PHACTR2: variants seen among roughly 807,000 people sequenced by gnomAD.
PHACTR2 encodes the protein chromosome 6 open reading frame 56.
In PHACTR2, 30 loss-of-function variants were observed where a neutral mutation model predicts 76.0. The ratio of observed to expected loss-of-function variants is 0.39; its 90% CI spans 0.30 to 0.54. The LOEUF is 0.54. Ranked by LOEUF, PHACTR2 falls within the 20% of genes least tolerant of loss-of-function variation. PHACTR2 has a pLI of 0.61. For synonymous variants in PHACTR2, 292 were observed against 292.5 expected, an observed-to-expected ratio of 1.00 and a Z score of 0.02; for missense variants, 696 against 781.1, an observed-to-expected ratio of 0.89 and a Z score of 1.30.
chr6:143,564,928 C>A (rs1775340845), intron 1 of PHACTR2, among the ~76,000 whole-genome samples: 1 of 152,040 alleles, frequency 6.6e-6, no homozygotes, highest in African/African-American at 2.4e-5. Flanking sequence ...CTCCCCTTTT[C>A]TACAAAGGAA....
chr6:143,594,149 T>C (rs1287156731), intron 1 of PHACTR2, among the ~76,000 whole-genome samples: 1 of 152,242 alleles, frequency 6.6e-6, no homozygotes, highest in African/African-American at 2.4e-5. Context: ...ACAAAACTAT[T>C]AAAAGATGTT....
Position 143,823,651 on chromosome 6 carries a change from A to G in PHACTR2, c.1923-23A>G. 5 of 1,607,228 alleles carry G rather than the reference A, an allele frequency of 3.1e-6. No individual in the cohort carries two copies. The highest frequency in any genetic ancestry group is 4.3e-6 in the Non-Finnish European group (5 of 1,173,910). ...GAATGTGCTCCTAGGCCACAGGCTT[A>G]TAGTTTCTATTTCTTACTCCAGGTT... is the stretch of plus-strand genomic sequence containing the variant. On this transcript the variant is annotated intron_variant, in intron 12 of 12. Coordinates refer to ENST00000440869, the MANE Select transcript of PHACTR2 (RefSeq NM_001100164.2). The surrounding 1 kb of genome is among the most constrained non-coding windows in gnomAD (Gnocchi z 5.7).
chr6:143,590,141 C>T (rs1775673946), intron 1 of PHACTR2, among the ~76,000 whole-genome samples: 1 of 152,122 alleles, frequency 6.6e-6, no homozygotes, highest in Non-Finnish European at 1.5e-5. Context: ...ATTTGATTTA[C>T]ATAAGAGTGG....
intron 2 of PHACTR2, among the ~76,000 whole-genome samples, chr6:143,718,154 G>A (rs1239566585): frequency 6.6e-6 from 1 of 152,112 alleles, no homozygotes; most frequent in Non-Finnish European, 1.5e-5. Flanking sequence ...AGCATTCTAG[G>A]AATCAGATCT....
chr6:143,746,450 G>A (rs919403131), intron 2 of PHACTR2, among the ~76,000 whole-genome samples: 5 of 152,178 alleles, frequency 3.3e-5, no homozygotes, highest in Non-Finnish European at 7.4e-5. Context: ...TTTGGTTTGC[G>A]AGAATGTGGC....
chr6:143,736,235 A>G (rs977013527), intron 2 of PHACTR2, among the ~76,000 whole-genome samples: 1 of 152,156 alleles, frequency 6.6e-6, no homozygotes, highest in African/African-American at 2.4e-5. Flanking sequence ...CAATCTTCTC[A>G]GTTACCCTAT....
At position 143,816,879 on chromosome 6, in the gene PHACTR2, A is replaced by T. The variant is rs534471412; in HGVS notation, c.1923-6795A>T. Among the ~76,000 whole-genome samples the T allele has an allele frequency of 6.6e-6, 1 of 152,204 alleles. No homozygotes were observed. Among genetic ancestry groups the T allele is most frequent in the South Asian group, 2.1e-4 (1 of 4,822 alleles). On this transcript the variant is annotated intron_variant, in intron 12 of 12. Coordinates refer to ENST00000440869, the MANE Select transcript of PHACTR2 (RefSeq NM_001100164.2). This position sits in a 1 kb window ranked among gnomAD's most constrained non-coding sequence, Gnocchi z 4.5. ...CCAGGAGTTCAAGACCAGCCTGGTC[A>T]ACATGGCACAATGCTGTCTCTACAA...
At chr6:143,629,231 C>T (rs1776318109) in intron 1 of PHACTR2, among the ~76,000 whole-genome samples, 1 of 151,920 alleles carries the variant, frequency 6.6e-6, no homozygotes, top group Non-Finnish European at 1.5e-5. Flanking sequence ...TAAGCATCTT[C>T]TGGAGGGGGA....
intron 2 of PHACTR2, among the ~76,000 whole-genome samples, chr6:143,735,341 T>G (rs1049929135): frequency 1.3e-5 from 2 of 152,250 alleles, no homozygotes; most frequent in African/African-American, 4.8e-5. Flanking sequence ...ATTAGAAAAC[T>G]GATTATGCAT....
intron 1 of PHACTR2, among the ~76,000 whole-genome samples, chr6:143,636,090 C>T (rs1776446814): frequency 6.8e-6 from 1 of 146,338 alleles, no homozygotes; most frequent in Non-Finnish European, 1.5e-5. Context: ...TGGTACACAC[C>T]TGTAGTCCCA....
At position 143,625,389 on chromosome 6, in the gene PHACTR2, AATTT is replaced by A. The variant is rs1397745860; in HGVS notation, c.13+17071_13+17074del. Reference sequence around the variant, plus strand: ...TCAAAAAATAAATATTTAAGTTATAAATTTATTAGTTATTTATAACTTAATCTTT... The same window carrying A: ...TCAAAAAATAAATATTTAAGTTATAAATTAGTTATTTATAACTTAATCTTT... On this transcript the variant is annotated intron_variant, in intron 1 of 11. Coordinates refer to the PHACTR2 transcript ENST00000305766. This position sits in a 1 kb window ranked among gnomAD's most constrained non-coding sequence, Gnocchi z 4.3. 6.6e-6 allele frequency among the ~76,000 whole-genome samples: 1 copy of A among 152,124 alleles called. No homozygotes were observed. Among genetic ancestry groups the A allele is most frequent in the Non-Finnish European group, 1.5e-5 (1 of 68,028 alleles).
At chr6:143,593,391 C>T (rs918502394) in intron 1 of PHACTR2, among the ~76,000 whole-genome samples, 10 of 152,086 alleles carry the variant, frequency 6.6e-5, no homozygotes, top group Admixed American at 1.3e-4. Flanking sequence ...AAAGGTATCT[C>T]AGTTGAAACT....
rs181734084 is a variant in PHACTR2, at chr6:143,700,382, G to T, written c.47-11634G>T. On this transcript the variant is annotated intron_variant, in intron 1 of 12. Transcript: ENST00000440869. This position sits in a 1 kb window ranked among gnomAD's most constrained non-coding sequence, Gnocchi z 4.1. Reference sequence around the variant, plus strand: ...CTGGCCTGGCCAACATGGTGAAACCGCGTCTCTACTAAAAATACAGAAATT... The same window carrying T: ...CTGGCCTGGCCAACATGGTGAAACCTCGTCTCTACTAAAAATACAGAAATT... Among the ~76,000 whole-genome samples, 7 of 151,976 alleles carry T rather than the reference G, an allele frequency of 4.6e-5. No homozygotes were observed. Among genetic ancestry groups the T allele is most frequent in the Admixed American group, 6.6e-5 (1 of 15,262 alleles).
In PHACTR2 at chr6:143,700,774, C is replaced by T. The variant is rs1777890571; in HGVS notation, c.47-11242C>T. On this transcript the variant is annotated intron_variant, in intron 1 of 12. Transcript: ENST00000440869. This position sits in a 1 kb window ranked among gnomAD's most constrained non-coding sequence, Gnocchi z 4.1. ...GATATATCAGCTTTTTCTTCCTTTT[C>T]ACAAACACAGCACACACTCTACACA... Among the ~76,000 whole-genome samples the T allele has an allele frequency of 6.6e-6, 1 of 152,090 alleles. No individual in the cohort carries two copies. Among genetic ancestry groups the T allele is most frequent in the African/African-American group, 2.4e-5 (1 of 41,384 alleles).
In PHACTR2 at chr6:143,537,405, G is replaced by A. The variant is rs1263898941; in HGVS notation, c.217+198G>A. On this transcript the variant is annotated intron_variant, in intron 1 of 11. Transcript: ENST00000367584. The surrounding 1 kb of genome is among the most constrained non-coding windows in gnomAD (Gnocchi z 4.4). ...GGCCGCCCGGGCTCGGCGACCCTAG[G>A]CGGAAGATGCTAAAAGCAGGCGACG... Among the ~76,000 whole-genome samples, 1 of 152,170 alleles carries A rather than the reference G, an allele frequency of 6.6e-6. No homozygotes were observed. Among genetic ancestry groups the A allele is most frequent in the Non-Finnish European group, 1.5e-5 (1 of 68,016 alleles).
intron 1 of PHACTR2, among the ~76,000 whole-genome samples, chr6:143,582,636 C>T (rs180962517): frequency 7.3e-5 from 11 of 149,868 alleles, no homozygotes; most frequent in Admixed American, 1.3e-4. Flanking sequence ...AATAAACAAA[C>T]GATAGAAATT....
intron 1 of PHACTR2, among the ~76,000 whole-genome samples, chr6:143,626,881 A>G (rs544675842): frequency 6.6e-6 from 1 of 152,342 alleles, no homozygotes; most frequent in Admixed American, 6.5e-5. Flanking sequence ...GCAGGTATAT[A>G]TTCAATTTAA....
chr6:143,697,050 C>T lies in PHACTR2; in HGVS notation c.47-14966C>T, dbSNP rs1777790411. Among the ~76,000 whole-genome samples, 3 of 152,008 alleles carry T rather than the reference C, an allele frequency of 2.0e-5. No individual in the cohort carries two copies. Among genetic ancestry groups the T allele is most frequent in the African/African-American group, 2.4e-5 (1 of 41,364 alleles). On this transcript the variant is annotated intron_variant, in intron 1 of 12. Coordinates refer to ENST00000440869, the MANE Select transcript of PHACTR2 (RefSeq NM_001100164.2). This position sits in a 1 kb window ranked among gnomAD's most constrained non-coding sequence, Gnocchi z 4.4. ...GCAAGGTAGTTCTACCTTGTAGTTCCGATATATTTAGTTAATTGAAAGCCT... is the reference window on the plus strand; with the variant it reads ...GCAAGGTAGTTCTACCTTGTAGTTCTGATATATTTAGTTAATTGAAAGCCT...
At position 143,619,510 on chromosome 6, in the gene PHACTR2, C is replaced by T. The variant is rs142917527; in HGVS notation, c.13+11188C>T. Among the ~76,000 whole-genome samples, 1,012 of 152,338 alleles carry T rather than the reference C, an allele frequency of 6.6e-3. 13 individuals are homozygous for T. The highest frequency in any genetic ancestry group is 0.02 in the African/African-American group (852 of 41,572). ...CACAAAAATGCTCTGAAATACCCTA[C>T]TGAAGGGTACACAGTGTTGACCTGT... On this transcript the variant is annotated intron_variant, in intron 1 of 11. Coordinates refer to the PHACTR2 transcript ENST00000305766. This position sits in a 1 kb window ranked among gnomAD's most constrained non-coding sequence, Gnocchi z 4.5.
Sources: allele counts gnomAD v4.1 joint callset (sites outside exome capture counted in the v4.1 genomes callset), GRCh38; gene constraint gnomAD v4.1.1; non-coding constraint Gnocchi (gnomAD v3.1); transcripts MANE v1.5; gene names NCBI Gene and HGNC (gene_info 2026-07-23, HGNC 2026-07-21).